GRIK5: variants seen among roughly 807,000 people sequenced by gnomAD.
GRIK5 encodes the protein glutamate receptor ionotropic, kainate 5.
Under a neutral mutation model 97.4 loss-of-function variants are expected in GRIK5, and 43 were observed. The ratio of observed to expected loss-of-function variants is 0.44; its 90% CI spans 0.35 to 0.57. The LOEUF is 0.57. Among genes scored for constraint, GRIK5 ranks in the 20% least tolerant of loss-of-function variants. The pLI is 0.01. For missense variants in GRIK5, 1,015 were observed against 1,382.0 expected, an observed-to-expected ratio of 0.73 and a Z score of 4.21; for synonymous variants, 580 against 583.5, an observed-to-expected ratio of 0.99 and a Z score of 0.09.
In GRIK5 at chr19:42,022,401, G is replaced by T. The variant is rs769749399; in HGVS notation, c.1474-47C>A. ...AGGGGTGGAGGGGGACAGAGGGGAA[G>T]ACAGAAGTGGACAGTTAGAGAGAAA... On this transcript the variant is annotated intron_variant, in intron 12 of 19. Coordinates refer to ENST00000593562, the MANE Select transcript of GRIK5 (RefSeq NM_002088.5). This position sits in a 1 kb window ranked among gnomAD's most constrained non-coding sequence, Gnocchi z 4.2. The T allele has an allele frequency of 1.3e-6, 2 of 1,547,980 alleles. No homozygotes were observed. The highest frequency in any genetic ancestry group is 1.7e-5 in the Admixed American group (1 of 58,028).
rs1555871020 is a variant in GRIK5 at position 42,002,119 on chromosome 19, A to T, written c.2514+1213T>A. The T allele has an allele frequency of 5.6e-6, 4 of 716,660 alleles. No homozygotes were observed. The Admixed American group carries it at 8.0e-5, about 14-fold the overall frequency. 44.4% of individuals were successfully genotyped at this position (716,660 alleles called of 1,614,324 possible). A position where few individuals can be genotyped will look rare whatever the true frequency, so the allele number is the denominator to read the frequency against. The stretch of plus-strand genomic sequence containing the variant: ...TGAGGCCTGAGACCGGGAATTTCAG[A>T]CATGGAAGTTGCTGGTGACAAGAGT... On this transcript the variant is annotated intron_variant, in intron 19 of 19. Coordinates refer to ENST00000593562, the MANE Select transcript of GRIK5 (RefSeq NM_002088.5). This position sits in a 1 kb window ranked among gnomAD's most constrained non-coding sequence, Gnocchi z 5.2.
At chr19:42,015,640 A>C (rs2075615171) in intron 15 of GRIK5, among the ~76,000 whole-genome samples, 1 of 152,168 alleles carries the variant, frequency 6.6e-6, no homozygotes, top group Non-Finnish European at 1.5e-5. Context: ...GACTGAGTTC[A>C]TCCGGCACAC....
chr19:41,999,129 C>T lies in GRIK5; in HGVS notation c.2685G>A (p.Ala895=). 6.3e-6 allele frequency: 9 copies of T among 1,436,308 alleles called. No individual in the cohort carries two copies. The highest frequency in any genetic ancestry group is 8.2e-6 in the Non-Finnish European group (9 of 1,101,404). The allele number at this position is 1,436,308 out of a possible 1,614,324, so 89.0% of individuals were successfully genotyped here. A position where few individuals can be genotyped will look rare whatever the true frequency, so the allele number is the denominator to read the frequency against. ...LSNGKLYSAG[A]GGDAGSAHGG... is the part of the protein sequence containing the mutation. The stretch of plus-strand genomic sequence containing the variant: ...CGTGCGCGCTGCCCGCATCCCCGCC[C>T]GCGCCGGCCGAGTAGAGCTTGCCGT... Residue 895 remains alanine (A), a synonymous_variant, in exon 20 of 20, where the codon GCG becomes GCA. Transcript: ENST00000593562. The surrounding 1 kb of genome is among the most constrained non-coding windows in gnomAD (Gnocchi z 5.0).
rs369315248 is a variant in GRIK5, at chr19:42,003,524, T to C, written c.2392+31A>G. The C allele has an allele frequency of 5.6e-6, 9 of 1,604,320 alleles. No individual in the cohort carries two copies. In the African/African-American group the frequency reaches 1.1e-4, roughly 19 times the overall value. ...TGGGAAGGGGGCTGGGAGGGGGCTA[T>C]GGGAAGGGGACACCATACGCGGGAA... On this transcript the variant is annotated intron_variant, in intron 18 of 19. Transcript: ENST00000593562. This position sits in a 1 kb window ranked among gnomAD's most constrained non-coding sequence, Gnocchi z 4.2.
intron 11 of GRIK5, among the ~76,000 whole-genome samples, chr19:42,051,897 C>A (rs1313078428): frequency 1.3e-5 from 2 of 152,204 alleles, no homozygotes; most frequent in Admixed American, 6.5e-5. Flanking sequence ...GCAACCCCAT[C>A]TAATGCCACC....
chr19:42,008,402 G>A (rs868923146), intron 15 of GRIK5, among the ~76,000 whole-genome samples: 1 of 152,130 alleles, frequency 6.6e-6, no homozygotes, highest in African/African-American at 2.4e-5. Flanking sequence ...TGAGGTGGGC[G>A]GATTGCTTGA....
chr19:42,013,487 G>A (rs1263848579), intron 15 of GRIK5, among the ~76,000 whole-genome samples: 1 of 133,804 alleles, frequency 7.5e-6, no homozygotes, highest in Non-Finnish European at 1.5e-5. Context: ...TCGGCTCACT[G>A]CAAGCTCCGC....
rs1482854434 is a variant in GRIK5 at position 42,058,566 on chromosome 19, G to A, written c.687+783C>T. Among the ~76,000 whole-genome samples the A allele has an allele frequency of 3.4e-5, 5 of 149,236 alleles. No homozygotes were observed. In the South Asian group the frequency reaches 6.4e-4, roughly 19 times the overall value. ...TTATTGGCCGGGTGTGGTGGCTCAC[G>A]CCTGTAATTCCAGCACTTTGGGAGG... On this transcript the variant is annotated intron_variant, in intron 6 of 19. Coordinates refer to ENST00000593562, the MANE Select transcript of GRIK5 (RefSeq NM_002088.5).
chr19:42,003,759 C>T lies in GRIK5; in HGVS notation c.2264-76G>A, dbSNP rs2075453748. The T allele has an allele frequency of 1.1e-5, 16 of 1,442,050 alleles. No individual in the cohort carries two copies. The highest frequency in any genetic ancestry group is 4.3e-5 in the African/African-American group (3 of 70,400). The allele number at this position is 1,442,050 out of a possible 1,614,324, so 89.3% of individuals were successfully genotyped here. On this transcript the variant is annotated intron_variant, in intron 17 of 19. Transcript: ENST00000593562. The surrounding 1 kb of genome is among the most constrained non-coding windows in gnomAD (Gnocchi z 4.2). ...ACCGCCCCAAACCCCAAACTGTGCC[C>T]TCACCACGGCCTTCCCCCGCCTCTA...
intron 15 of GRIK5, among the ~76,000 whole-genome samples, chr19:42,011,725 C>T (rs1476364653): frequency 6.6e-6 from 1 of 152,140 alleles, no homozygotes; most frequent in East Asian, 1.9e-4. Context: ...GTAATTCCAT[C>T]ACTTTGGGAG....
At chr19:42,020,159 C>T (rs1470438495) in intron 15 of GRIK5, among the ~76,000 whole-genome samples, 4 of 152,062 alleles carry the variant, frequency 2.6e-5, no homozygotes, top group East Asian at 1.9e-4. Context: ...CATCAAGACT[C>T]GCAAGTGTCC....
chr19:42,037,315 C>CGG (rs1247020097), intron 12 of GRIK5, among the ~76,000 whole-genome samples: 1 of 152,108 alleles, frequency 6.6e-6, no homozygotes, highest in Non-Finnish European at 1.5e-5. Flanking sequence ...CAAAAATAGC[C>CGG]GGGCATTGTG....
At chr19:42,043,957 TC>T (rs939019259) in intron 11 of GRIK5, among the ~76,000 whole-genome samples, 1 of 152,084 alleles carries the variant, frequency 6.6e-6, no homozygotes, top group Non-Finnish European at 1.5e-5. Flanking sequence ...AGGCTTTGTG[TC>T]CCCACCCAAA....
Position 42,022,790 on chromosome 19 carries a change from CG to C in GRIK5, c.1474-437del. 1 of 414,500 alleles carries C rather than the reference CG, an allele frequency of 2.4e-6. No individual in the cohort carries two copies. 25.7% of individuals were successfully genotyped at this position (414,500 alleles called of 1,614,324 possible). A position where few individuals can be genotyped will look rare whatever the true frequency, so the allele number is the denominator to read the frequency against. Reference sequence around the variant, plus strand: ...AGGAGGCAGGGCCCAGAAATGACCCCGGGTGGGGAGGAAGGGTGCAGGTCAG... The same window carrying C: ...AGGAGGCAGGGCCCAGAAATGACCCCGGTGGGGAGGAAGGGTGCAGGTCAG... On this transcript the variant is annotated intron_variant, in intron 12 of 19. Transcript: ENST00000593562. This position sits in a 1 kb window ranked among gnomAD's most constrained non-coding sequence, Gnocchi z 4.2.
chr19:42,042,734 G>T lies in GRIK5; in HGVS notation c.1291C>A (p.Arg431=). The T allele has an allele frequency of 6.2e-7, 1 of 1,613,550 alleles. No individual in the cohort carries two copies. ...TILENPYVMR[R]PNFQALSGNE... is the part of the protein sequence containing the mutation. Reference sequence around the variant, plus strand: ...CCCGACAGGGCCTGGAAGTTGGGCCGGCGCATGACGTATGGGTTCTCCTGG... The same window carrying T: ...CCCGACAGGGCCTGGAAGTTGGGCCTGCGCATGACGTATGGGTTCTCCTGG... Residue 431 remains arginine, a synonymous_variant, in exon 12 of 20, where the codon CGG becomes AGG. Transcript: ENST00000593562. The surrounding 1 kb of genome is among the most constrained non-coding windows in gnomAD (Gnocchi z 6.9).
intron 15 of GRIK5, among the ~76,000 whole-genome samples, chr19:42,008,313 G>A (rs371878514): frequency 3.9e-5 from 6 of 151,936 alleles, no homozygotes; most frequent in African/African-American, 9.6e-5. Flanking sequence ...CACTGTGCCC[G>A]GCCTATTACA....
chr19:42,056,620 T>G (rs775730991), intron 8 of GRIK5, 42 bp downstream of exon 8: 2 of 1,583,262 alleles, frequency 1.3e-6, no homozygotes, highest in Admixed American at 1.7e-5. Context: ...GAAGTATCTG[T>G]GCAGAGTGTT....
rs1416663409 is a variant in GRIK5 at position 42,021,863 on chromosome 19, C to CGA, written c.1697+82_1697+83dup. On this transcript the variant is annotated intron_variant, in intron 14 of 19. Coordinates refer to ENST00000593562, the MANE Select transcript of GRIK5 (RefSeq NM_002088.5). This position sits in a 1 kb window ranked among gnomAD's most constrained non-coding sequence, Gnocchi z 4.2. ...CCAAAGGGGAGGCCAAGGACAGTTC[C>CGA]GAGAGAGAAGAGGCAGGTCGGTCCC... 12 of 847,358 alleles carry CGA rather than the reference C, an allele frequency of 1.4e-5. No individual in the cohort carries two copies. In the East Asian group the frequency reaches 2.9e-4, roughly 20 times the overall value. 52.5% of individuals were successfully genotyped at this position (847,358 alleles called of 1,614,324 possible).
Position 42,056,707 on chromosome 19 carries a change from C to T in GRIK5, c.858G>A (p.Met286Ile), listed in dbSNP as rs2076190482. 1.9e-6 allele frequency: 3 copies of T among 1,614,080 alleles called. No individual in the cohort carries two copies. The highest frequency in any genetic ancestry group is 1.3e-5 in the African/African-American group (1 of 75,028). The part of the protein sequence containing the change: ...FYPEFVRSLN[M>I]SWRENCEAST... ...TGGCTTCACAGTTCTCCCTCCAGGA[C>T]ATGTTGAGGCTGCGGACAAACTCAG... Residue 286 changes from methionine to isoleucine, a missense_variant, in exon 8 of 20, where the codon ATG becomes ATA. Coordinates refer to ENST00000593562, the MANE Select transcript of GRIK5 (RefSeq NM_002088.5).
Sources: gnomAD v4.1 joint callset for allele counts (sites outside exome capture counted in the v4.1 genomes callset) on GRCh38, gnomAD v4.1.1 for gene constraint, Gnocchi (gnomAD v3.1) non-coding constraint, MANE v1.5 for transcripts, NCBI Gene and HGNC (gene_info 2026-07-23, HGNC 2026-07-21) for gene names.